The following EFEMP1 variants were observed in gnomAD, a reference collection of about 807,000 sequenced individuals.
EFEMP1 encodes the protein EGF-containing fibulin-like extracellular matrix protein 1.
A neutral mutation model predicts 65.7 loss-of-function variants in EFEMP1; 18 were observed. The observed-to-expected ratio is 0.27, with a 90% CI of 0.19 to 0.41. EFEMP1 has a LOEUF of 0.41. EFEMP1 is among the 10% of genes least tolerant of loss of function. The probability of loss-of-function intolerance (pLI) is 1.00; values close to 1 mark genes in which losing one functional copy is unlikely to be tolerated. For missense variants in EFEMP1, 469 were observed against 624.8 expected, an observed-to-expected ratio of 0.75 and a Z score of 2.66; for synonymous variants, 237 against 219.7, an observed-to-expected ratio of 1.08 and a Z score of -0.70.
Position 55,918,270 on chromosome 2 carries a change from G to A in EFEMP1, c.82-3C>T, listed in dbSNP as rs577745384. ...CACTCATATCCGTCAGTGCATTGCT[G>A]TGAAGAAAACATCAAAGGTGGGGCC... On this transcript the variant is annotated splice_polypyrimidine_tract_variant and splice_region_variant and intron_variant, in intron 3 of 11. Coordinates refer to ENST00000355426, the MANE Select transcript of EFEMP1 (RefSeq NM_001039348.3). The A allele has an allele frequency of 1.2e-6, 2 of 1,614,178 alleles. No homozygotes were observed. The highest frequency in any genetic ancestry group is 2.7e-5 in the African/African-American group (2 of 75,044).
At chr2:55,881,874 A>G in intron 5 of EFEMP1, 140 bp from the exon 6 acceptor site, 1 of 1,157,526 alleles carries the variant, frequency 8.6e-7, no homozygotes, top group Non-Finnish European at 1.3e-6. Flanking sequence ...GTTTAAAATT[A>G]TAAATTATTT....
rs1271157011 is a variant in EFEMP1, at chr2:55,921,922, G to A, written c.81+438C>T. ...AAAGGCCACTTACTTGAGAATGCAT[G>A]TCATGTACACAAAGAAGGCCATGTG... On this transcript the variant is annotated intron_variant, in intron 3 of 11. Coordinates refer to ENST00000355426, the MANE Select transcript of EFEMP1 (RefSeq NM_001039348.3). The surrounding 1 kb of genome is among the most constrained non-coding windows in gnomAD (Gnocchi z 4.1). The A allele has an allele frequency of 2.5e-5, 5 of 203,656 alleles. No individual in the cohort carries two copies. The highest frequency in any genetic ancestry group is 5.1e-5 in the Non-Finnish European group (5 of 97,940). 12.6% of individuals were successfully genotyped at this position (203,656 alleles called of 1,614,324 possible).
chr2:55,909,682 G>C (rs1005278042), intron 5 of EFEMP1, among the ~76,000 whole-genome samples: 2 of 152,106 alleles, frequency 1.3e-5, no homozygotes, highest in African/African-American at 4.8e-5. Flanking sequence ...CTGAGAACAC[G>C]TTTTCTTTTT....
At chr2:55,876,345 CT>C (rs1669034847) in intron 8 of EFEMP1, among the ~76,000 whole-genome samples, 1 of 152,168 alleles carries the variant, frequency 6.6e-6, no homozygotes, top group African/African-American at 2.4e-5. Flanking sequence ...GCTGACATAC[CT>C]GGTCACTGGA....
Position 55,883,043 on chromosome 2 carries a change from T to C in EFEMP1, c.518-1309A>G, listed in dbSNP as rs1168920622. ...AGTATAATAATATATGAAGTTGAGA[T>C]TGTAAAAGGGTTGTCCTCAGAAATC... On this transcript the variant is annotated intron_variant, in intron 5 of 11. Transcript: ENST00000355426. This position sits in a 1 kb window ranked among gnomAD's most constrained non-coding sequence, Gnocchi z 4.5. Among the ~76,000 whole-genome samples the C allele has an allele frequency of 1.3e-5, 2 of 151,948 alleles. No individual in the cohort carries two copies. The highest frequency in any genetic ancestry group is 2.9e-5 in the Non-Finnish European group (2 of 67,962).
rs747258798 is a variant in EFEMP1 at position 55,874,963 on chromosome 2, C to A, written c.983G>T (p.Arg328Ile). 13 of 1,605,236 alleles carry A rather than the reference C, an allele frequency of 8.1e-6. No individual in the cohort carries two copies. Among genetic ancestry groups the A allele is most frequent in the African/African-American group, 1.3e-5 (1 of 74,454 alleles). The change falls in exon 9 of 12, where the codon AGA becomes ATA. Residue 328 changes from arginine (R) to isoleucine (I), a missense_variant. Arg to Ile is a moderately conservative substitution (Grantham distance 97, BLOSUM62 -3). This residue lies in a region of EFEMP1 where 399 missense variants were observed against 528.2 expected (regional missense o/e 0.76). Coordinates refer to ENST00000355426, the MANE Select transcript of EFEMP1 (RefSeq NM_001039348.3). ...CMCPQGYQVV[R>I]SRTCQDINEC... ...AAACTTACCTTGACATGTTCTACTT[C>A]TCACCACTTGGTATCCCTGGGGGCA...
Position 55,866,502 on chromosome 2 carries a change from A to G in EFEMP1, c.*571T>C, listed in dbSNP as rs1056532182. ...TTTCTGACAAAATTAAAAATACCCT[A>G]CAGAAACCAGCATATTGTACAGCAA... On this transcript the variant is annotated 3_prime_UTR_variant, in exon 12 of 12. Coordinates refer to ENST00000355426, the MANE Select transcript of EFEMP1 (RefSeq NM_001039348.3). 6.6e-6 allele frequency: 1 copy of G among 152,584 alleles called. No individual in the cohort carries two copies. Among genetic ancestry groups the G allele is most frequent in the African/African-American group, 2.4e-5 (1 of 41,466 alleles). 9.5% of individuals were successfully genotyped at this position (152,584 alleles called of 1,614,324 possible).
At chr2:55,902,526 A>T (rs1670078231) in intron 5 of EFEMP1, among the ~76,000 whole-genome samples, 2 of 152,230 alleles carry the variant, frequency 1.3e-5, no homozygotes, top group Non-Finnish European at 2.9e-5. Context: ...ACTCCTTTCC[A>T]AGCTAGGATT....
At position 55,873,335 on chromosome 2, in the gene EFEMP1, C is replaced by T. The variant is rs1200505328; in HGVS notation, c.1000+1611G>A. Among the ~76,000 whole-genome samples the T allele has an allele frequency of 6.6e-6, 1 of 151,998 alleles. No homozygotes were observed. Among genetic ancestry groups the T allele is most frequent in the Non-Finnish European group, 1.5e-5 (1 of 67,948 alleles). Reference sequence around the variant, plus strand: ...CAAACATTCTGAAGCTGCATATCTTCAATATATAACATTTAGGAATCCCCC... The same window carrying T: ...CAAACATTCTGAAGCTGCATATCTTTAATATATAACATTTAGGAATCCCCC... On this transcript the variant is annotated intron_variant, in intron 9 of 11. Coordinates refer to ENST00000355426, the MANE Select transcript of EFEMP1 (RefSeq NM_001039348.3). This position sits in a 1 kb window ranked among gnomAD's most constrained non-coding sequence, Gnocchi z 4.6.
At position 55,918,009 on chromosome 2, in the gene EFEMP1, C is replaced by A; in HGVS notation, c.173G>T (p.Gly58Val). 1.2e-6 allele frequency: 2 copies of A among 1,614,238 alleles called. No individual in the cohort carries two copies. The highest frequency in any genetic ancestry group is 1.7e-6 in the Non-Finnish European group (2 of 1,180,044). Residue 58 changes from glycine to valine, a missense_variant, in exon 5 of 12, where the codon GGA becomes GTA. Around this residue, in one of 3 missense-constraint regions of EFEMP1, gnomAD observed 66 missense variants for 73.0 expected, o/e 0.90. Coordinates refer to ENST00000355426, the MANE Select transcript of EFEMP1 (RefSeq NM_001039348.3). ...TCCATAGTGGTTGACACACTTCATT[C>A]CACCTTTACAAGCGTCTGGGACAAT... ...CDIVPDACKG[G>V]MKCVNHYGGY...
At chr2:55,887,977 G>C (rs1669485548) in intron 5 of EFEMP1, among the ~76,000 whole-genome samples, 1 of 152,170 alleles carries the variant, frequency 6.6e-6, no homozygotes, top group Admixed American at 6.5e-5. Context: ...AGCTTCCTCT[G>C]TGGACAACAG....
chr2:55,880,646 T>A (rs2104390212), intron 6 of EFEMP1, among the ~76,000 whole-genome samples: 1 of 152,318 alleles, frequency 6.6e-6, no homozygotes, highest in Admixed American at 6.5e-5. Context: ...TGTCCCCACA[T>A]CCTCACCCTC....
chr2:55,888,334 CTTTTTTTTTTTT>C (rs71713705), intron 5 of EFEMP1, among the ~76,000 whole-genome samples: 1 of 114,308 alleles, frequency 8.7e-6, no homozygotes, highest in Non-Finnish European at 1.7e-5. Flanking sequence ...CCTTCTTAAA[CTTTTTTTTTTTT>C]TTTTTTTTTG....
At chr2:55,880,944 C>G (rs566118325) in intron 6 of EFEMP1, among the ~76,000 whole-genome samples, 2 of 152,312 alleles carry the variant, frequency 1.3e-5, no homozygotes, top group South Asian at 4.1e-4. Context: ...CGCTCTTAGG[C>G]CCTCCAGCAG....
At chr2:55,874,329 T>A (rs1438182206) in intron 9 of EFEMP1, among the ~76,000 whole-genome samples, 1 of 151,936 alleles carries the variant, frequency 6.6e-6, no homozygotes, top group East Asian at 1.9e-4. Context: ...TTTTTTTTTT[T>A]AGATCTTCCT....
In EFEMP1 at chr2:55,921,895, A is replaced by G. The variant is rs572806230; in HGVS notation, c.81+465T>C. ...TGAATATATAGCCTTTATAAATTCA[A>G]TAAAGGCCACTTACTTGAGAATGCA... On this transcript the variant is annotated intron_variant, in intron 3 of 11. Coordinates refer to ENST00000355426, the MANE Select transcript of EFEMP1 (RefSeq NM_001039348.3). The surrounding 1 kb of genome is among the most constrained non-coding windows in gnomAD (Gnocchi z 4.1). 3 of 188,550 alleles carry G rather than the reference A, an allele frequency of 1.6e-5. No homozygotes were observed. In the East Asian group the frequency reaches 3.8e-4, roughly 24 times the overall value. 11.7% of individuals were successfully genotyped at this position (188,550 alleles called of 1,614,324 possible).
At chr2:55,868,869 AT>A (rs1668688218) in intron 11 of EFEMP1, among the ~76,000 whole-genome samples, 1 of 152,132 alleles carries the variant, frequency 6.6e-6, no homozygotes, top group Non-Finnish European at 1.5e-5. Flanking sequence ...CCTGCTGTTG[AT>A]TTTCATGCGT....
chr2:55,882,324 ATCTT>A (rs10596044), intron 5 of EFEMP1, among the ~76,000 whole-genome samples: 19,746 of 152,130 alleles, frequency 0.13, 1,411 homozygotes, highest in South Asian at 0.29. Context: ...GTATGTATAA[ATCTT>A]TCATTGCAAA....
chr2:55,878,611 C>T (rs1669122995), intron 6 of EFEMP1, among the ~76,000 whole-genome samples: 1 of 152,138 alleles, frequency 6.6e-6, no homozygotes, highest in Admixed American at 6.6e-5. Context: ...TTAAAACAAC[C>T]ATTATGCATA....
Sources: gnomAD v4.1 joint callset for allele counts (sites outside exome capture counted in the v4.1 genomes callset) on GRCh38, gnomAD v4.1.1 for gene constraint, gnomAD v4.1.1 regional missense constraint, Gnocchi (gnomAD v3.1) non-coding constraint, MANE v1.5 for transcripts, NCBI Gene and HGNC (gene_info 2026-07-23, HGNC 2026-07-21) for gene names.